The following DISP1 variants were observed in gnomAD, a reference collection of about 807,000 sequenced individuals.
DISP1 encodes dispatched RND transporter family member 1, also known as protein dispatched homolog 1.
In DISP1, 30 loss-of-function variants were observed where a neutral mutation model predicts 37.3. The observed-to-expected ratio is 0.80, with a 90% CI of 0.60 to 1.09. The LOEUF is 1.09. Ranked by LOEUF, DISP1 falls within the 50% of genes least tolerant of loss-of-function variation. The pLI is 0.00. For missense variants in DISP1, 1,598 were observed against 1,879.5 expected (o/e 0.85, Z 2.77); for synonymous variants, 634 against 690.2 (o/e 0.92, Z 1.28).
At chr1:222,978,248 T>A (rs1318145371) in intron 3 of DISP1, among the ~76,000 whole-genome samples, 3 of 152,216 alleles carry the variant, frequency 2.0e-5, no homozygotes, top group Non-Finnish European at 4.4e-5. Flanking sequence ...GTTGTGGTTT[T>A]GATTTGCATT....
At chr1:222,967,876 C>T (rs1336051692) in intron 3 of DISP1, among the ~76,000 whole-genome samples, 1 of 152,140 alleles carries the variant, frequency 6.6e-6, no homozygotes, top group East Asian at 1.9e-4. Context: ...CATGTGCATA[C>T]CATAGAGAAT....
chr1:222,824,143 T>G (rs1663677296), intron 1 of DISP1, among the ~76,000 whole-genome samples: 1 of 152,156 alleles, frequency 6.6e-6, no homozygotes, highest in African/African-American at 2.4e-5. Context: ...TTATTTTACC[T>G]TGTTTTTCAG....
intron 2 of DISP1, among the ~76,000 whole-genome samples, chr1:222,934,885 A>G (rs1673623663): frequency 6.6e-6 from 1 of 152,190 alleles, no homozygotes; most frequent in Non-Finnish European, 1.5e-5. Context: ...AAACTTGATT[A>G]TCAATTAGAA....
intron 1 of DISP1, among the ~76,000 whole-genome samples, chr1:222,922,386 G>A (rs17163580): frequency 0.089 from 13,558 of 152,148 alleles, 636 homozygotes; most frequent in South Asian, 0.18. Context: ...TCAAGGGAAA[G>A]TTAATCTAAG....
chr1:222,956,523 T>A (rs1675608805), intron 3 of DISP1, among the ~76,000 whole-genome samples: 1 of 152,240 alleles, frequency 6.6e-6, no homozygotes, highest in African/African-American at 2.4e-5. Context: ...TTTTTTTCAT[T>A]GTAAAGCAAT....
intron 1 of DISP1, among the ~76,000 whole-genome samples, chr1:222,846,148 A>T (rs1667882210): frequency 6.6e-6 from 1 of 152,174 alleles, no homozygotes. Context: ...CTGTTTTGAA[A>T]ATGTTTGCAC....
chr1:222,906,606 A>G (rs1299732110), intron 1 of DISP1, among the ~76,000 whole-genome samples: 2 of 152,246 alleles, frequency 1.3e-5, no homozygotes, highest in Non-Finnish European at 2.9e-5. Context: ...GGTCGTCCTC[A>G]CTGCTACACT....
rs1436839271 is a variant in DISP1, at chr1:222,851,959, C to T, written c.-159+36881C>T. ...CAGTACTTTGGGAGGCTGAGGCGGG[C>T]GAATCACCTGAGGTTGAGAGGTCGA... On this transcript the variant is annotated intron_variant, in intron 1 of 8. Coordinates refer to ENST00000675850, the MANE Select transcript of DISP1 (RefSeq NM_001377229.1). 4.6e-5 allele frequency among the ~76,000 whole-genome samples: 7 copies of T among 151,992 alleles called. No individual in the cohort carries two copies. The East Asian group carries it at 7.7e-4, about 17-fold the overall frequency.
chr1:222,917,862 T>C (rs1379043679), intron 1 of DISP1, among the ~76,000 whole-genome samples: 1 of 152,042 alleles, frequency 6.6e-6, no homozygotes, highest in Non-Finnish European at 1.5e-5. Context: ...ACAATGTTGG[T>C]TCAAGCAATG....
intron 3 of DISP1, among the ~76,000 whole-genome samples, chr1:222,949,071 A>T (rs997861): frequency 0.27 from 40,661 of 151,000 alleles, 5,681 homozygotes; most frequent in South Asian, 0.5. Context: ...TGTTTTTTTT[A>T]AAAAAAAATT....
chr1:222,877,750 C>G (rs1670045594), intron 1 of DISP1, among the ~76,000 whole-genome samples: 1 of 152,126 alleles, frequency 6.6e-6, no homozygotes, highest in Admixed American at 6.5e-5. Flanking sequence ...TGCTGTGAAT[C>G]CCTCTAATAA....
chr1:222,959,114 T>C (rs1675834730), intron 3 of DISP1, among the ~76,000 whole-genome samples: 1 of 152,190 alleles, frequency 6.6e-6, no homozygotes, highest in Admixed American at 6.5e-5. Context: ...TTCCAAAATA[T>C]TTTGTAATTA....
rs776151713 is a variant in DISP1, at chr1:223,004,328, G to A, written c.2931G>A (p.Gln977=). 3.1e-6 allele frequency: 5 copies of A among 1,614,194 alleles called. No individual in the cohort carries two copies. The Admixed American group carries it at 8.3e-5, about 27-fold the overall frequency. Residue 977 remains glutamine, a synonymous_variant, in exon 9 of 9, where the codon CAG becomes CAA. Coordinates refer to ENST00000675850, the MANE Select transcript of DISP1 (RefSeq NM_001377229.1). This position sits in a 1 kb window ranked among gnomAD's most constrained non-coding sequence, Gnocchi z 4.9. ...GCAATCTGGAGTTCTATGACCTCCAGGATAGCCTCTCCGATGGCACCCTCA... is the reference window on the plus strand; with the variant it reads ...GCAATCTGGAGTTCTATGACCTCCAAGATAGCCTCTCCGATGGCACCCTCA... ...FVSNLEFYDL[Q]DSLSDGTLIA... is the part of the protein sequence containing the mutation.
Position 222,856,707 on chromosome 1 carries a change from T to G in DISP1, c.-159+41629T>G, listed in dbSNP as rs541225312. Among the ~76,000 whole-genome samples, 54 of 71,388 alleles carry G rather than the reference T, an allele frequency of 7.6e-4. 1 individual carries two copies. The South Asian group carries it at 0.028, about 38-fold the overall frequency. The allele number at this position is 71,388 out of a possible 152,430, so 46.8% of individuals were successfully genotyped here. A position where few individuals can be genotyped will look rare whatever the true frequency, so the allele number is the denominator to read the frequency against. On this transcript the variant is annotated intron_variant, in intron 1 of 8. Coordinates refer to ENST00000675850, the MANE Select transcript of DISP1 (RefSeq NM_001377229.1). ...ATGTTTTTATGTTTATTATAATTCG[T>G]TTTTTTTTTTTTTTTGAGATGGAGT...
intron 3 of DISP1, among the ~76,000 whole-genome samples, chr1:222,961,260 G>T (rs1299614482): frequency 6.6e-6 from 1 of 152,152 alleles, no homozygotes; most frequent in Non-Finnish European, 1.5e-5. Context: ...ACATCAAAAA[G>T]CTTATCCGCC....
chr1:222,887,072 T>A (rs564518067), intron 1 of DISP1, among the ~76,000 whole-genome samples: 1 of 152,298 alleles, frequency 6.6e-6, no homozygotes, highest in Admixed American at 6.5e-5. Context: ...TAAAACCAGC[T>A]AAAAAGGATT....
At chr1:222,832,501 C>T (rs1273118661) in intron 1 of DISP1, among the ~76,000 whole-genome samples, 4 of 152,238 alleles carry the variant, frequency 2.6e-5, no homozygotes, top group East Asian at 1.9e-4. Flanking sequence ...TAGTATTTCA[C>T]GTAGAAGTTT....
chr1:222,887,244 A>G (rs916508323), intron 1 of DISP1, among the ~76,000 whole-genome samples: 3 of 152,152 alleles, frequency 2.0e-5, no homozygotes, highest in Admixed American at 6.5e-5. Flanking sequence ...AGGCAGGCAC[A>G]TTTTTAAAAT....
intron 1 of DISP1, among the ~76,000 whole-genome samples, chr1:222,863,029 T>C (rs753678874): frequency 6.6e-6 from 1 of 152,178 alleles, no homozygotes; most frequent in Admixed American, 6.5e-5. Context: ...TGGGTTTGTA[T>C]CATGTATCCT....
Sources: allele counts gnomAD v4.1 joint callset (sites outside exome capture counted in the v4.1 genomes callset), GRCh38; gene constraint gnomAD v4.1.1; non-coding constraint Gnocchi (gnomAD v3.1); transcripts MANE v1.5; gene names NCBI Gene and HGNC (gene_info 2026-07-23, HGNC 2026-07-21).